KIAA1217: variants seen among roughly 807,000 people sequenced by gnomAD.
KIAA1217 encodes KIAA1217, also known as sickle tail protein homolog.
In KIAA1217, 88 loss-of-function variants were observed where a neutral mutation model predicts 163.9. The ratio of observed to expected loss-of-function variants is 0.54; its 90% CI spans 0.45 to 0.64. KIAA1217 has a LOEUF of 0.64. Among genes scored for constraint, KIAA1217 ranks in the 30% least tolerant of loss-of-function variants. KIAA1217 has a pLI of 0.00. For missense variants in KIAA1217, 2,372 were observed against 2,475.0 expected, an observed-to-expected ratio of 0.96 and a Z score of 0.88; for synonymous variants, 903 against 923.1, an observed-to-expected ratio of 0.98 and a Z score of 0.39.
At chr10:24,209,084 C>T, upstream of KIAA1217, 5 of 847,976 alleles carry the variant, frequency 5.9e-6, no homozygotes, top group South Asian at 7.4e-5. Flanking sequence ...GGTTTCGCAC[C>T]GTCCCCTCCT....
At chr10:23,894,181 G>A (rs1191010686) in intron 1 of KIAA1217, among the ~76,000 whole-genome samples, 10 of 149,028 alleles carry the variant, frequency 6.7e-5, no homozygotes, top group Admixed American at 6.7e-4. Flanking sequence ...ATTCAATTAG[G>A]AAAAGAGGAA....
At chr10:23,834,376 G>A (rs1022094106) in intron 1 of KIAA1217, among the ~76,000 whole-genome samples, 3 of 152,100 alleles carry the variant, frequency 2.0e-5, no homozygotes, top group Admixed American at 2.0e-4. Flanking sequence ...AGCACCCAAT[G>A]TCAGGTTTAT....
Position 24,528,808 on chromosome 10 carries a change from A to G in KIAA1217, c.3082+689A>G, listed in dbSNP as rs187192229. 4.6e-4 allele frequency among the ~76,000 whole-genome samples: 70 copies of G among 152,332 alleles called. No individual in the cohort carries two copies. In the East Asian group the frequency reaches 0.013, roughly 28 times the overall value. On this transcript the variant is annotated intron_variant, in intron 14 of 20. Transcript: ENST00000376454. ...GCATTTAAGACAAGAGCTTTTGCAG[A>G]AAGAAAATGGTAGCTTTTATGAGCT... is the stretch of plus-strand genomic sequence containing the variant.
intron 1 of KIAA1217, among the ~76,000 whole-genome samples, chr10:24,003,494 A>G (rs1202442085): frequency 6.6e-6 from 1 of 152,058 alleles, no homozygotes; most frequent in Non-Finnish European, 1.5e-5. Flanking sequence ...TTCAAATAGT[A>G]TTTCTTTAAC....
intron 2 of KIAA1217, among the ~76,000 whole-genome samples, chr10:24,248,839 T>G (rs1378628033): frequency 6.6e-6 from 1 of 152,222 alleles, no homozygotes; most frequent in Non-Finnish European, 1.5e-5. Context: ...TGTTTTAATG[T>G]ACAGACTATT....
At chr10:23,922,163 A>C (rs1159660294) in intron 1 of KIAA1217, among the ~76,000 whole-genome samples, 1 of 152,162 alleles carries the variant, frequency 6.6e-6, no homozygotes, top group African/African-American at 2.4e-5. Context: ...ATGCCTGCAT[A>C]ATGCAACCTC....
In KIAA1217 at chr10:23,956,220, G is replaced by A. The variant is rs547653873; in HGVS notation, c.-320-51005G>A. Among the ~76,000 whole-genome samples, 5 of 152,134 alleles carry A rather than the reference G, an allele frequency of 3.3e-5. No individual in the cohort carries two copies. In the South Asian group the frequency reaches 1.0e-3, roughly 32 times the overall value. On this transcript the variant is annotated intron_variant, in intron 1 of 18. Transcript: ENST00000376462. Reference sequence around the variant, plus strand: ...CACTGAATTTAAAAAGTAAAAGTCAGGGTTAAGAGAGAAAGCAGTCTTTTA... The same window carrying A: ...CACTGAATTTAAAAAGTAAAAGTCAAGGTTAAGAGAGAAAGCAGTCTTTTA...
At chr10:24,112,990 T>TA (rs2062914477) in intron 2 of KIAA1217, among the ~76,000 whole-genome samples, 1 of 152,068 alleles carries the variant, frequency 6.6e-6, no homozygotes, top group African/African-American at 2.4e-5. Flanking sequence ...GGCCTGCTGG[T>TA]AACCCCCAGA....
chr10:24,211,317 C>G (rs2068043586), intron 1 of KIAA1217, among the ~76,000 whole-genome samples: 1 of 142,456 alleles, frequency 7.0e-6, no homozygotes, highest in African/African-American at 2.6e-5. Context: ...AGGACTAGAG[C>G]TTTTATTTTG....
At chr10:24,305,492 T>A (rs2041908199) in intron 2 of KIAA1217, among the ~76,000 whole-genome samples, 1 of 152,198 alleles carries the variant, frequency 6.6e-6, no homozygotes, top group African/African-American at 2.4e-5. Flanking sequence ...TATGCCCTTT[T>A]TATTTCCTCA....
chr10:24,528,750 C>T (rs566910818), intron 14 of KIAA1217, among the ~76,000 whole-genome samples: 2 of 151,884 alleles, frequency 1.3e-5, no homozygotes, highest in South Asian at 4.1e-4. Context: ...ATTTGTGATA[C>T]TTCACAGCAA....
At position 24,108,616 on chromosome 10, in the gene KIAA1217, T is replaced by C. The variant is rs112998891; in HGVS notation, c.-171+101242T>C. Among the ~76,000 whole-genome samples, 98 of 152,282 alleles carry C rather than the reference T, an allele frequency of 6.4e-4. 1 individual carries two copies. The highest frequency in any genetic ancestry group is 2.1e-3 in the African/African-American group (89 of 41,554). On this transcript the variant is annotated intron_variant, in intron 2 of 18. Coordinates refer to the KIAA1217 transcript ENST00000376462. ...TGGCTTTTTTATGGAATGATAAAAT[T>C]AATGGATGAGGAGAATGCAATCGAT...
At chr10:24,230,359 T>C (rs1265347706) in intron 2 of KIAA1217, among the ~76,000 whole-genome samples, 12 of 152,128 alleles carry the variant, frequency 7.9e-5, no homozygotes, top group South Asian at 2.1e-4. Context: ...TGCTCCACCA[T>C]GGCCTTTGAG....
chr10:24,463,517 T>A (rs965142553), intron 5 of KIAA1217, among the ~76,000 whole-genome samples: 2 of 152,200 alleles, frequency 1.3e-5, no homozygotes, highest in African/African-American at 4.8e-5. Context: ...ACCTTACAAA[T>A]GGCAATCTTC....
chr10:24,088,419 A>G (rs2061794523), intron 2 of KIAA1217, among the ~76,000 whole-genome samples: 1 of 112,936 alleles, frequency 8.9e-6, no homozygotes, highest in African/African-American at 2.6e-5. Flanking sequence ...TACATTAGGT[A>G]TATCTCCTAA....
intron 1 of KIAA1217, among the ~76,000 whole-genome samples, chr10:23,749,619 A>G (rs1336519778): frequency 6.6e-6 from 1 of 152,080 alleles, no homozygotes; most frequent in Non-Finnish European, 1.5e-5. Flanking sequence ...GTTGGCCAGG[A>G]TGGTCTTGAT....
At chr10:24,132,914 T>C (rs1390325801) in intron 2 of KIAA1217, among the ~76,000 whole-genome samples, 1 of 152,168 alleles carries the variant, frequency 6.6e-6, no homozygotes, top group Admixed American at 6.5e-5. Flanking sequence ...TAGATGTGGA[T>C]TGATGACTCA....
chr10:23,848,701 C>G (rs1242982789), intron 1 of KIAA1217, among the ~76,000 whole-genome samples: 1 of 152,032 alleles, frequency 6.6e-6, no homozygotes, highest in Non-Finnish European at 1.5e-5. Context: ...CATATCCAAG[C>G]ATCTCCAACT....
chr10:24,371,999 A>T (rs2051713475), intron 2 of KIAA1217, among the ~76,000 whole-genome samples: 1 of 152,222 alleles, frequency 6.6e-6, no homozygotes, highest in Non-Finnish European at 1.5e-5. Context: ...AGAGCTAAAC[A>T]TTGGGTACAC....
Sources: allele counts gnomAD v4.1 joint callset (sites outside exome capture counted in the v4.1 genomes callset), GRCh38; gene constraint gnomAD v4.1.1; transcripts MANE v1.5; gene names NCBI Gene and HGNC (gene_info 2026-07-23, HGNC 2026-07-21).